Variants in DCHS2 observed in about 807,000 individuals in gnomAD.
The protein encoded by DCHS2 is protocadherin-23.
In DCHS2, 142 loss-of-function variants were observed where a neutral mutation model predicts 182.4. The ratio of observed to expected loss-of-function variants is 0.78; its 90% confidence interval spans 0.68 to 0.89. The LOEUF (loss-of-function observed/expected upper bound fraction) is 0.89, where lower values mean the gene tolerates loss of function less well. DCHS2 is among the 40% of genes least tolerant of loss of function. DCHS2 has a pLI of 0.00. For synonymous variants in DCHS2, 1,740 were observed against 1,663.3 expected (o/e 1.05, Z -1.12); for missense variants, 4,319 against 4,198.6 (o/e 1.03, Z -0.79).
intron 13 of DCHS2, among the ~76,000 whole-genome samples, chr4:154,273,996 G>T (rs1381891827): frequency 1.3e-5 from 2 of 152,114 alleles, no homozygotes; most frequent in Non-Finnish European, 2.9e-5. Context: ...AAAGGAACAG[G>T]AGCTGACATG....
At chr4:154,265,262 A>G (rs1392211686) in intron 14 of DCHS2, among the ~76,000 whole-genome samples, 2 of 152,326 alleles carry the variant, frequency 1.3e-5, no homozygotes, top group Non-Finnish European at 2.9e-5. Context: ...TGTACTTAGG[A>G]GAAATCTAAC....
At position 154,242,640 on chromosome 4, in the gene DCHS2, A is replaced by G. The variant is rs1332499889; in HGVS notation, c.7072+2T>C. ...ACCACTATGCCAAATTGTCACACTT[A>G]CCTTCTGTAATTTCCACTGCTTCAG... is the stretch of plus-strand genomic sequence containing the variant. On this transcript the variant is annotated splice_donor_variant, in intron 17 of 19. Transcript: ENST00000357232. LOFTEE classifies it high-confidence loss of function. The G allele has an allele frequency of 6.2e-7, 1 of 1,608,436 alleles. No individual in the cohort carries two copies. The highest frequency in any genetic ancestry group is 8.5e-7 in the Non-Finnish European group (1 of 1,178,138).
intron 3 of DCHS2, among the ~76,000 whole-genome samples, chr4:154,349,825 A>G (rs1039947998): frequency 6.6e-6 from 1 of 152,236 alleles, no homozygotes; most frequent in Non-Finnish European, 1.5e-5. Context: ...TTAATAAATC[A>G]GAAGCCTTAT....
intron 1 of DCHS2, among the ~76,000 whole-genome samples, chr4:154,455,585 T>A (rs1262003604): frequency 6.6e-6 from 1 of 152,228 alleles, no homozygotes; most frequent in East Asian, 1.9e-4. Context: ...CTGGTGGAAT[T>A]TTAGTGATTT....
chr4:154,294,206 C>T (rs1734815024), intron 13 of DCHS2, among the ~76,000 whole-genome samples: 1 of 152,084 alleles, frequency 6.6e-6, no homozygotes, highest in Non-Finnish European at 1.5e-5. Context: ...ATCAAAACCA[C>T]CTTTTAAGAG....
rs2111284220 is a variant in DCHS2 at position 154,298,686 on chromosome 4, A to G, written c.5628T>C (p.Phe1876=). 6.3e-7 allele frequency: 1 copy of G among 1,592,156 alleles called. No individual in the cohort carries two copies. Among genetic ancestry groups the G allele is most frequent in the South Asian group, 1.1e-5 (1 of 87,576 alleles). ...HIIDGNTDEC[F]TINEMSGELS... ...GTTCTCCTGACATCTCATTTATAGT[A>G]AAGCACTCATCAGTATTTCCATCTA... The change falls in exon 13 of 20, where the codon TTT becomes TTC. Residue 1876 remains phenylalanine (F), a synonymous_variant. Transcript: ENST00000357232.
intron 14 of DCHS2, among the ~76,000 whole-genome samples, chr4:154,262,722 C>A (rs145301859): frequency 2.8e-4 from 43 of 152,288 alleles, no homozygotes; most frequent in South Asian, 1.0e-3. Context: ...CAAACCAAAG[C>A]AGAATGTGAT....
At chr4:154,461,077 T>G (rs1734991079) in intron 1 of DCHS2, among the ~76,000 whole-genome samples, 1 of 152,104 alleles carries the variant, frequency 6.6e-6, no homozygotes, top group Non-Finnish European at 1.5e-5. Flanking sequence ...CATCAGGTCC[T>G]CAGAAAACTA....
chr4:154,244,809 A>G (rs1369880692), intron 16 of DCHS2, among the ~76,000 whole-genome samples: 2 of 152,160 alleles, frequency 1.3e-5, no homozygotes, highest in Non-Finnish European at 2.9e-5. Flanking sequence ...TGGAATAATT[A>G]TATGCTGAAA....
intron 10 of DCHS2, among the ~76,000 whole-genome samples, chr4:154,312,845 C>T (rs1232479570): frequency 6.6e-6 from 1 of 152,200 alleles, no homozygotes; most frequent in Non-Finnish European, 1.5e-5. Context: ...CACCTTATAA[C>T]TTCCTATGAA....
intron 15 of DCHS2, among the ~76,000 whole-genome samples, chr4:154,256,787 A>G (rs929112462): frequency 6.6e-6 from 1 of 151,938 alleles, no homozygotes; most frequent in Admixed American, 6.6e-5. Context: ...CTAATTTCCT[A>G]CCATCTCAAT....
chr4:154,480,016 T>C (rs1340431091), intron 1 of DCHS2, among the ~76,000 whole-genome samples: 10 of 152,260 alleles, frequency 6.6e-5, no homozygotes, highest in African/African-American at 2.4e-4. Context: ...TAACCGTTCC[T>C]ACTTAAAATA....
At chr4:154,448,402 C>A (rs1353125888) in intron 1 of DCHS2, among the ~76,000 whole-genome samples, 2 of 152,074 alleles carry the variant, frequency 1.3e-5, no homozygotes, top group Non-Finnish European at 2.9e-5. Flanking sequence ...AAGCAAGTAA[C>A]CCAAGAGTTC....
intron 1 of DCHS2, among the ~76,000 whole-genome samples, chr4:154,427,352 A>C (rs897129464): frequency 2.0e-5 from 3 of 152,216 alleles, no homozygotes; most frequent in African/African-American, 7.2e-5. Flanking sequence ...GAAATGTTCA[A>C]ACTGTGTTAA....
At position 154,328,198 on chromosome 4, in the gene DCHS2, A is replaced by G. The variant is rs377641097; in HGVS notation, c.3919-6T>C. ...ACTGGTTGACCTTCCAGAACCTGCC[A>G]TTAAAACAAACAGCTTACAAATGAG... On this transcript the variant is annotated splice_region_variant and splice_polypyrimidine_tract_variant and intron_variant, in intron 6 of 19. Transcript: ENST00000357232. 3.2e-5 allele frequency: 52 copies of G among 1,601,066 alleles called. No homozygotes were observed. Among genetic ancestry groups the G allele is most frequent in the Non-Finnish European group, 4.4e-5 (52 of 1,174,780 alleles).
Position 154,235,726 on chromosome 4 carries a change from CAAA to C in DCHS2, c.8923_8925del (p.Phe2975del). The stretch of plus-strand genomic sequence containing the variant: ...CCTTCAGAGGAGAAAGACACATTCA[CAAA>C]AACAGTGCAAGATGCAAACTTGGAA... On this transcript the variant is annotated inframe_deletion, in exon 20 of 20. Transcript: ENST00000357232. The C allele has an allele frequency of 6.2e-7, 1 of 1,613,900 alleles. No individual in the cohort carries two copies. Among genetic ancestry groups the C allele is most frequent in the Non-Finnish European group, 8.5e-7 (1 of 1,179,832 alleles).
intron 4 of DCHS2, 124 bp from the exon 5 acceptor site, chr4:154,333,618 TA>T (rs1728624066): frequency 3.4e-6 from 3 of 888,802 alleles, no homozygotes; most frequent in Non-Finnish European, 3.4e-6. Flanking sequence ...ATGGATCACA[TA>T]TACTATGATG....
intron 1 of DCHS2, among the ~76,000 whole-genome samples, chr4:154,422,251 A>G (rs1004880320): frequency 4.6e-5 from 7 of 152,036 alleles, no homozygotes; most frequent in African/African-American, 1.7e-4. Context: ...CAGCTTTTGG[A>G]TTTTATCACC....
Position 154,242,669 on chromosome 4 carries a change from G to A in DCHS2, c.7045C>T (p.Pro2349Ser), listed in dbSNP as rs1731881627. Residue 2349 changes from proline to serine, a missense_variant, in exon 17 of 20, where the codon CCC (proline) becomes TCC (serine). Pro to Ser is a moderately conservative substitution (Grantham distance 74, BLOSUM62 -1). Transcript: ENST00000357232. The stretch of plus-strand genomic sequence containing the variant: ...TCTGTAATTTCCACTGCTTCAGAGG[G>A]GAGAAAAGCTGGGGCATTGTCATTT... ...DINDNAPAFLPSEAVEITEDS... is the reference protein window; with the variant it reads ...DINDNAPAFLSSEAVEITEDS... The A allele has an allele frequency of 6.2e-7, 1 of 1,612,518 alleles. No homozygotes were observed. The highest frequency in any genetic ancestry group is 1.3e-5 in the African/African-American group (1 of 74,808).
Sources: gnomAD v4.1 joint callset for allele counts (sites outside exome capture counted in the v4.1 genomes callset) on GRCh38, gnomAD v4.1.1 for gene constraint, MANE v1.5 for transcripts, NCBI Gene and HGNC (gene_info 2026-07-23, HGNC 2026-07-21) for gene names.